The following CIZ1 variants were observed in gnomAD, a reference collection of about 807,000 sequenced individuals.
CIZ1 encodes the protein CDKN1A interacting zinc finger protein 1.
Under a neutral mutation model 118.6 loss-of-function variants are expected in CIZ1, and 58 were observed. That is an observed-to-expected ratio of 0.49 (90% CI 0.40 to 0.61). The LOEUF (loss-of-function observed/expected upper bound fraction) is 0.61. Ranked by LOEUF, CIZ1 falls within the 20% of genes least tolerant of loss-of-function variation. The pLI is 0.00. For synonymous variants in CIZ1, 448 were observed against 443.4 expected (o/e 1.01, Z -0.13); for missense variants, 921 against 1,115.9 (o/e 0.83, Z 2.49).
intron 11 of CIZ1, among the ~76,000 whole-genome samples, chr9:128,172,172 A>AAAAAAAAAAAAG (rs1830221721): frequency 8.2e-6 from 1 of 121,338 alleles, no homozygotes; most frequent in Non-Finnish European, 1.7e-5. Flanking sequence ...AAAAAAAAAA[A>AAAAAAAAAAAAG]AAAAAGAAAA....
At chr9:128,188,290 G>C (rs554314855) in intron 3 of CIZ1, among the ~76,000 whole-genome samples, 1 of 152,198 alleles carries the variant, frequency 6.6e-6, no homozygotes, top group Non-Finnish European at 1.5e-5. Context: ...GGTACAGCCT[G>C]GGACTTATAT....
chr9:128,178,452 C>T lies in CIZ1; in HGVS notation c.1537G>A (p.Val513Ile). 2 of 1,614,182 alleles carry T rather than the reference C, an allele frequency of 1.2e-6. No individual in the cohort carries two copies. The highest frequency in any genetic ancestry group is 4.5e-5 in the East Asian group (2 of 44,884). ...TCATTCTGAATCTCTTCCATGCTGA[C>T]TTGGGTGCCCACAGGCTCTGGCAAG... ...KTLPEPVGTQ[V>I]SMEEIQNESA... Residue 513 changes from valine (V) to isoleucine (I), a missense_variant, in exon 9 of 17, where the codon GTC becomes ATC. Coordinates refer to ENST00000372938, the MANE Select transcript of CIZ1 (RefSeq NM_001131016.2).
At position 128,166,197 on chromosome 9, in the gene CIZ1, T is replaced by A. The variant is rs1050569115; in HGVS notation, c.2697A>T (p.Ter899CysextTer1). 13 of 1,479,888 alleles carry A rather than the reference T, an allele frequency of 8.8e-6. No individual in the cohort carries two copies. The highest frequency in any genetic ancestry group is 1.1e-5 in the Non-Finnish European group (12 of 1,108,804). The allele number at this position is 1,479,888 out of a possible 1,614,324, so 91.7% of individuals were successfully genotyped here. ...GGCCAGGGACAGGGAGGTCCCTCTATCAGGTTTTGAGGCGGGTTGAGCGCC... is the reference window on the plus strand; with the variant it reads ...GGCCAGGGACAGGGAGGTCCCTCTAACAGGTTTTGAGGCGGGTTGAGCGCC... ...LPRRSTRLKT[*>C] The change falls in exon 17 of 17, where the codon TGA becomes TGT. Residue 899 changes from the stop codon to cysteine, a stop_lost. Coordinates refer to ENST00000372938, the MANE Select transcript of CIZ1 (RefSeq NM_001131016.2). The surrounding 1 kb of genome is among the most constrained non-coding windows in gnomAD (Gnocchi z 4.4).
At chr9:128,198,582 C>G (rs1331652604) in intron 1 of CIZ1, among the ~76,000 whole-genome samples, 1 of 152,020 alleles carries the variant, frequency 6.6e-6, no homozygotes, top group Non-Finnish European at 1.5e-5. Context: ...GCCTGTAATC[C>G]CAGCACTTTG....
At chr9:128,169,600 T>C (rs1177019725) in intron 12 of CIZ1, 81 bp from the exon 13 acceptor site, 6 of 1,584,882 alleles carry the variant, frequency 3.8e-6, no homozygotes, top group Non-Finnish European at 5.1e-6. Context: ...CAGCAAGAGC[T>C]CACCTCCCCC....
At chr9:128,174,988 A>G (rs1830684007) in intron 11 of CIZ1, among the ~76,000 whole-genome samples, 1 of 152,226 alleles carries the variant, frequency 6.6e-6, no homozygotes, top group African/African-American at 2.4e-5. Flanking sequence ...AGGGCCAAGT[A>G]GGATTCAAGA....
intron 1 of CIZ1, 114 bp from the exon 2 acceptor site, chr9:128,190,976 T>C: frequency 7.3e-7 from 1 of 1,375,572 alleles, no homozygotes; most frequent in Non-Finnish European, 9.6e-7. Context: ...CTGAGGAGCT[T>C]CACAGCTGCA....
At position 128,203,273 on chromosome 9, in the gene CIZ1, C is replaced by A; in HGVS notation, c.-6+913G>T. On this transcript the variant is annotated intron_variant, in intron 1 of 17. Transcript: ENST00000372948. This position sits in a 1 kb window ranked among gnomAD's most constrained non-coding sequence, Gnocchi z 5.3. ...ACGACACCCATGATGCCCCGGACGG[C>A]GCCTGCGCACGGCGGCCGGCCCGCA... The A allele has an allele frequency of 4.1e-6, 1 of 245,164 alleles. No individual in the cohort carries two copies. Among genetic ancestry groups the A allele is most frequent in the Non-Finnish European group, 7.2e-6 (1 of 138,630 alleles). The allele number at this position is 245,164 out of a possible 1,614,324, so 15.2% of individuals were successfully genotyped here. A position where few individuals can be genotyped will look rare whatever the true frequency, so the allele number is the denominator to read the frequency against.
intron 2 of CIZ1, 34 bp downstream of exon 2, chr9:128,190,654 G>C: frequency 6.5e-7 from 1 of 1,543,308 alleles, no homozygotes; most frequent in African/African-American, 1.4e-5. Flanking sequence ...TGAGTAGCAA[G>C]GCTGAAGCCA....
At chr9:128,176,611 G>A in intron 10 of CIZ1, 136 bp from the exon 11 acceptor site, 1 of 880,582 alleles carries the variant, frequency 1.1e-6, no homozygotes. Context: ...CTCTTGTGTA[G>A]GCTAGAGCAG....
rs887821188 is a variant in CIZ1, at chr9:128,186,159, C to G, written c.359-383G>C. ...ACAAGACACCCACCCCCACCCCTAC[C>G]AGCTACCCTTTATCAGCAGCAACTA... On this transcript the variant is annotated intron_variant, in intron 4 of 16. Transcript: ENST00000372938. Among the ~76,000 whole-genome samples the G allele has an allele frequency of 3.3e-5, 5 of 152,228 alleles. No individual in the cohort carries two copies. In the East Asian group the frequency reaches 9.7e-4, roughly 29 times the overall value.
At position 128,190,442 on chromosome 9, in the gene CIZ1, C is replaced by A. The variant is rs574844079; in HGVS notation, c.173G>T (p.Gly58Val). 2 of 1,610,856 alleles carry A rather than the reference C, an allele frequency of 1.2e-6. No homozygotes were observed. Among genetic ancestry groups the A allele is most frequent in the African/African-American group, 1.3e-5 (1 of 74,944 alleles). The change falls in exon 3 of 17, where the codon GGG becomes GTG. Residue 58 changes from glycine to valine, a missense_variant and splice_region_variant. Physicochemically the swap from Gly to Val is moderately radical, Grantham distance 109. Transcript: ENST00000372938. ...CTGCTGTGGCTGCTGCGGGGGGAGC[C>A]CCCTGTGTGTTGGGAGGGGGTGTCA... ...QAPLPMAVSRGLPPQQPQQPL... is the reference protein window; with the variant it reads ...QAPLPMAVSRVLPPQQPQQPL...
intron 8 of CIZ1, 44 bp downstream of exon 8, chr9:128,178,665 A>G: frequency 6.3e-7 from 1 of 1,591,106 alleles, no homozygotes; most frequent in East Asian, 2.2e-5. Context: ...GTCTGGGCAG[A>G]GCTGTCCCAT....
At chr9:128,181,587 T>C (rs1831618827) in intron 5 of CIZ1, among the ~76,000 whole-genome samples, 1 of 152,184 alleles carries the variant, frequency 6.6e-6, no homozygotes, top group African/African-American at 2.4e-5. Context: ...TAGTGAGAAG[T>C]GACCAGAAGA....
chr9:128,191,854 C>T (rs755696950), upstream of CIZ1: 7 of 1,479,162 alleles, frequency 4.7e-6, no homozygotes, highest in Admixed American at 2.2e-5. The surrounding 1 kb of genome is among the most constrained non-coding windows in gnomAD (Gnocchi z 5.5). Context: ...TCCCAACCCA[C>T]CTCCCTGCGG....
chr9:128,203,290 C>T lies in CIZ1; in HGVS notation c.-6+896G>A. ...CCGGACGGCGCCTGCGCACGGCGGC[C>T]GGCCCGCAGCGCCGCGGGCTCCCCC... On this transcript the variant is annotated intron_variant, in intron 1 of 17. Coordinates refer to the CIZ1 transcript ENST00000372948. This position sits in a 1 kb window ranked among gnomAD's most constrained non-coding sequence, Gnocchi z 5.3. 1 of 326,172 alleles carries T rather than the reference C, an allele frequency of 3.1e-6. No individual in the cohort carries two copies. The allele number at this position is 326,172 out of a possible 1,614,324, so 20.2% of individuals were successfully genotyped here.
chr9:128,193,682 C>T (rs933587438), upstream of CIZ1, among the ~76,000 whole-genome samples: 8 of 152,170 alleles, frequency 5.3e-5, no homozygotes, highest in African/African-American at 1.9e-4. Flanking sequence ...TGCATTCCAG[C>T]CTGGGCGACA....
intron 5 of CIZ1, among the ~76,000 whole-genome samples, chr9:128,185,105 C>A (rs1832190212): frequency 1.3e-5 from 2 of 151,990 alleles, no homozygotes; most frequent in Admixed American, 1.3e-4. Flanking sequence ...ATGGAGAAAC[C>A]CCGTCTTTAC....
chr9:128,190,333 C>G lies in CIZ1; in HGVS notation c.282G>C (p.Leu94Phe), dbSNP rs2131026052. The change falls in exon 3 of 17, where the codon TTG becomes TTC. Residue 94 changes from leucine (L) to phenylalanine (F), a missense_variant. Leu to Phe is a conservative substitution (Grantham distance 22). Coordinates refer to ENST00000372938, the MANE Select transcript of CIZ1 (RefSeq NM_001131016.2). ...MLQRALLLQQ[L>F]QGLDQFAMPP... is the part of the protein sequence containing the mutation. ...GAGGCCTGGGGCCATCCATACCTTG[C>G]AACTGCTGTAAAAGCAAAGCTCTCT... 6.2e-7 allele frequency: 1 copy of G among 1,611,498 alleles called. No homozygotes were observed. Among genetic ancestry groups the G allele is most frequent in the Non-Finnish European group, 8.5e-7 (1 of 1,177,946 alleles).
Sources: allele counts gnomAD v4.1 joint callset (sites outside exome capture counted in the v4.1 genomes callset), GRCh38; gene constraint gnomAD v4.1.1; non-coding constraint Gnocchi (gnomAD v3.1); transcripts MANE v1.5; gene names NCBI Gene and HGNC (gene_info 2026-07-23, HGNC 2026-07-21).